The following STXBP5L variants were observed in gnomAD, a reference collection of about 807,000 sequenced individuals.
STXBP5L encodes syntaxin-binding protein 5-like.
STXBP5L carries 65 observed loss-of-function variants against 144.5 expected under a neutral mutation model. The observed-to-expected ratio is 0.45, with a 90% CI of 0.37 to 0.55. STXBP5L has a LOEUF of 0.55. Among genes scored for constraint, STXBP5L ranks in the 20% least tolerant of loss-of-function variants. The probability of loss-of-function intolerance (pLI) is 0.00; values close to 1 mark genes in which losing one functional copy is unlikely to be tolerated. For missense variants in STXBP5L, 1,298 were observed against 1,405.5 expected (o/e 0.92, Z 1.22); for synonymous variants, 505 against 469.6 (o/e 1.08, Z -0.97).
At chr3:121,299,506 G>A (rs2108485785) in intron 19 of STXBP5L, among the ~76,000 whole-genome samples, 1 of 152,120 alleles carries the variant, frequency 6.6e-6, no homozygotes, top group Middle Eastern at 3.4e-3. Flanking sequence ...ATATTGCACA[G>A]CACTAGGAAC....
At chr3:121,011,241 A>T (rs1262273435) in intron 3 of STXBP5L, among the ~76,000 whole-genome samples, 1 of 151,018 alleles carries the variant, frequency 6.6e-6, no homozygotes, top group Admixed American at 6.7e-5. Context: ...GTTCTAGAAA[A>T]GTGTCTCTGA....
chr3:121,025,863 AATTAT>A (rs1339660597), intron 3 of STXBP5L, among the ~76,000 whole-genome samples: 8 of 147,212 alleles, frequency 5.4e-5, no homozygotes, highest in Non-Finnish European at 1.0e-4. Context: ...TATATCATTA[AATTAT>A]ATTATAATTA....
chr3:121,030,774 C>T (rs7650148), intron 3 of STXBP5L, among the ~76,000 whole-genome samples: 15,105 of 151,788 alleles, frequency 0.1, 1,184 homozygotes, highest in Admixed American at 0.2. Context: ...TTAACATGTC[C>T]TGTAGAAGAT....
intron 20 of STXBP5L, chr3:121,357,887 G>C (rs925952572): frequency 1.3e-5 from 2 of 152,172 alleles, no homozygotes; most frequent in African/African-American, 4.8e-5. Flanking sequence ...CAGAGAAGCT[G>C]CTTCATAACA....
At chr3:121,052,218 CT>C (rs1332233709) in intron 5 of STXBP5L, among the ~76,000 whole-genome samples, 9 of 152,160 alleles carry the variant, frequency 5.9e-5, no homozygotes, top group Admixed American at 5.9e-4. Context: ...GGAATCCTCC[CT>C]AACTCATTTT....
chr3:121,105,646 A>C (rs2043667090), intron 5 of STXBP5L, among the ~76,000 whole-genome samples: 1 of 152,070 alleles, frequency 6.6e-6, no homozygotes, highest in Non-Finnish European at 1.5e-5. Flanking sequence ...AACAGTATGG[A>C]GATTCCTTAA....
At chr3:121,036,213 A>G (rs1399561612) in intron 3 of STXBP5L, among the ~76,000 whole-genome samples, 1 of 152,032 alleles carries the variant, frequency 6.6e-6, no homozygotes, top group Non-Finnish European at 1.5e-5. Context: ...GGCTCCTGTA[A>G]TCCCACTTAC....
chr3:120,977,497 C>T (rs1255981148), intron 3 of STXBP5L, among the ~76,000 whole-genome samples: 2 of 152,132 alleles, frequency 1.3e-5, no homozygotes, highest in African/African-American at 4.8e-5. Flanking sequence ...ACTGTTTATC[C>T]AATTTGGCAG....
At chr3:121,334,985 G>A (rs768064886) in intron 20 of STXBP5L, among the ~76,000 whole-genome samples, 17 of 152,128 alleles carry the variant, frequency 1.1e-4, no homozygotes, top group Non-Finnish European at 2.1e-4. Flanking sequence ...GAAATGAAGA[G>A]CATTCAAACA....
chr3:121,150,823 C>G (rs1296836381), intron 7 of STXBP5L, among the ~76,000 whole-genome samples: 1 of 152,088 alleles, frequency 6.6e-6, no homozygotes, highest in East Asian at 1.9e-4. Flanking sequence ...CATGGTGACT[C>G]ATGCCTGTAA....
intron 19 of STXBP5L, among the ~76,000 whole-genome samples, chr3:121,287,950 A>C (rs773091929): frequency 1.3e-5 from 2 of 152,232 alleles, no homozygotes; most frequent in African/African-American, 2.4e-5. Flanking sequence ...TTAAGATGGC[A>C]GTTCATTCCA....
intron 9 of STXBP5L, among the ~76,000 whole-genome samples, chr3:121,182,742 G>T (rs972025011): frequency 3.3e-5 from 5 of 152,080 alleles, no homozygotes; most frequent in Non-Finnish European, 5.9e-5. Context: ...AAAATTGATA[G>T]ACCATTAGTT....
At chr3:120,965,788 T>A (rs1357567279) in intron 3 of STXBP5L, among the ~76,000 whole-genome samples, 1 of 152,182 alleles carries the variant, frequency 6.6e-6, no homozygotes, top group Non-Finnish European at 1.5e-5. Context: ...ATCTTTATGA[T>A]CTTCTCTTTA....
At chr3:121,205,740 C>T (rs114474610) in intron 9 of STXBP5L, among the ~76,000 whole-genome samples, 183 bp from the exon 10 acceptor site, 107 of 152,200 alleles carry the variant, frequency 7.0e-4, no homozygotes, top group African/African-American at 2.5e-3. Context: ...TATTGCAACT[C>T]TAAAGATTGT....
intron 20 of STXBP5L, chr3:121,357,111 CA>C: frequency 1.2e-5 from 2 of 164,224 alleles, no homozygotes; most frequent in Non-Finnish European, 2.7e-5. Flanking sequence ...GAATGGGAGC[CA>C]ATAGCAAAAC....
intron 2 of STXBP5L, among the ~76,000 whole-genome samples, chr3:120,925,458 A>T (rs1399502396): frequency 6.6e-6 from 1 of 152,090 alleles, no homozygotes; most frequent in Non-Finnish European, 1.5e-5. Context: ...AGTGTATTTC[A>T]TCTGATCTAC....
chr3:121,278,379 A>G (rs2050948823), intron 18 of STXBP5L, among the ~76,000 whole-genome samples: 2 of 151,998 alleles, frequency 1.3e-5, no homozygotes, highest in South Asian at 4.1e-4. Context: ...GCCCTAAGCT[A>G]TAACTTCTCA....
chr3:121,387,090 T>A (rs1037050247), intron 22 of STXBP5L, among the ~76,000 whole-genome samples: 2 of 152,178 alleles, frequency 1.3e-5, no homozygotes, highest in South Asian at 2.1e-4. Flanking sequence ...TTTTAATGAT[T>A]GCCATTCTAA....
intron 20 of STXBP5L, among the ~76,000 whole-genome samples, chr3:121,360,865 G>A (rs1446078415): frequency 6.6e-6 from 1 of 152,010 alleles, no homozygotes; most frequent in Non-Finnish European, 1.5e-5. Flanking sequence ...GCTTTTCTGT[G>A]TATTTACTAT....
Sources: allele counts gnomAD v4.1 joint callset (sites outside exome capture counted in the v4.1 genomes callset), GRCh38; gene constraint gnomAD v4.1.1; transcripts MANE v1.5; gene names NCBI Gene and HGNC (gene_info 2026-07-23, HGNC 2026-07-21).